NINJ2: variants seen among roughly 807,000 people sequenced by gnomAD.
The protein encoded by NINJ2 is ninjurin-2.
NINJ2 carries 12 observed loss-of-function variants against 11.7 expected under a neutral mutation model. The ratio of observed to expected loss-of-function variants is 1.02; its 90% CI spans 0.66 to 1.66. The LOEUF is 1.66. Ranked by LOEUF, NINJ2 falls within the 40% of genes most tolerant of loss-of-function variation. The pLI is 0.00. For synonymous variants in NINJ2, 93 were observed against 76.8 expected, an observed-to-expected ratio of 1.21 and a Z score of -1.10; for missense variants, 187 against 181.8, an observed-to-expected ratio of 1.03 and a Z score of -0.16.
At chr12:592,043 A>G (rs1164402274) in intron 1 of NINJ2, among the ~76,000 whole-genome samples, 1 of 151,450 alleles carries the variant, frequency 6.6e-6, no homozygotes. Context: ...TCTTGTTTGC[A>G]TTCTCGGTGA....
chr12:596,706 G>A (rs1336805127), intron 1 of NINJ2, among the ~76,000 whole-genome samples: 1 of 152,050 alleles, frequency 6.6e-6, no homozygotes, highest in Non-Finnish European at 1.5e-5. Context: ...GGGCATCCCT[G>A]GAGGCCAGGA....
At chr12:594,761 G>T (rs1190306157) in intron 1 of NINJ2, among the ~76,000 whole-genome samples, 2 of 152,178 alleles carry the variant, frequency 1.3e-5, no homozygotes, top group South Asian at 4.1e-4. Context: ...TTCCTAACTT[G>T]ATCTATAGAT....
intron 1 of NINJ2, among the ~76,000 whole-genome samples, chr12:600,922 T>G (rs532964876): frequency 1.3e-5 from 2 of 152,314 alleles, no homozygotes; most frequent in East Asian, 3.9e-4. Context: ...AAAATCAATC[T>G]TGAGTTTTCA....
chr12:565,050 C>T (rs1947273091), intron 3 of NINJ2, among the ~76,000 whole-genome samples, 167 bp downstream of exon 3: 1 of 152,236 alleles, frequency 6.6e-6, no homozygotes, highest in Non-Finnish European at 1.5e-5. Flanking sequence ...GGGCTTTGTG[C>T]AAGCCTCGCT....
chr12:565,725 T>C, intron 2 of NINJ2: 1 of 633,924 alleles, frequency 1.6e-6, no homozygotes, highest in Non-Finnish European at 2.8e-6. Context: ...CAGCAGGTAC[T>C]GCGGAGGGTC....
intron 1 of NINJ2, among the ~76,000 whole-genome samples, chr12:608,300 C>T (rs1947965409): frequency 6.6e-6 from 1 of 152,170 alleles, no homozygotes; most frequent in South Asian, 2.1e-4. Context: ...CTTGTGAAGG[C>T]TGACCATAGT....
chr12:603,517 A>C (rs1287820586), intron 1 of NINJ2, among the ~76,000 whole-genome samples: 1 of 152,198 alleles, frequency 6.6e-6, no homozygotes, highest in Non-Finnish European at 1.5e-5. Context: ...TTTTGTTCTA[A>C]GAATTTTAGA....
At chr12:577,745 G>C (rs1444725255) in intron 1 of NINJ2, among the ~76,000 whole-genome samples, 1 of 142,306 alleles carries the variant, frequency 7.0e-6, no homozygotes, top group African/African-American at 2.7e-5. Context: ...TTGTAGAGAT[G>C]GGGTCTCACC....
At chr12:600,138 C>T (rs555025601) in intron 1 of NINJ2, among the ~76,000 whole-genome samples, 12 of 152,288 alleles carry the variant, frequency 7.9e-5, no homozygotes, top group Admixed American at 3.9e-4. Flanking sequence ...GGCTGAATTT[C>T]TCAGTGATCT....
chr12:578,729 A>T (rs1028559055), intron 1 of NINJ2, among the ~76,000 whole-genome samples: 8 of 152,186 alleles, frequency 5.3e-5, no homozygotes, highest in Admixed American at 6.5e-5. Flanking sequence ...AAGTCCCTCA[A>T]CAATGGGGAC....
chr12:570,534 G>A (rs904660048), intron 1 of NINJ2, among the ~76,000 whole-genome samples: 2 of 152,236 alleles, frequency 1.3e-5, no homozygotes, highest in East Asian at 3.9e-4. Context: ...CCGCTCAGAG[G>A]AGCTGGCCCT....
chr12:648,988 A>ATCTGTCTGTCTG (rs10648707), intron 1 of NINJ2, among the ~76,000 whole-genome samples: 13 of 149,932 alleles, frequency 8.7e-5, no homozygotes, highest in African/African-American at 7.4e-5. Context: ...CTATCTATCT[A>ATCTGTCTGTCTG]TCTATCTGTC....
chr12:626,206 C>T (rs1948208686), intron 1 of NINJ2, among the ~76,000 whole-genome samples: 1 of 152,244 alleles, frequency 6.6e-6, no homozygotes, highest in African/African-American at 2.4e-5. Flanking sequence ...TCTGAAGTCA[C>T]TAGGCCTCTG....
chr12:607,351 G>GGATGAT (rs10592628), intron 1 of NINJ2, among the ~76,000 whole-genome samples: 3 of 150,696 alleles, frequency 2.0e-5, no homozygotes, highest in Non-Finnish European at 4.4e-5. Flanking sequence ...ACTCTGTAAG[G>GGATGAT]GATGATGATG....
At chr12:648,996 G>GTCTGTCTACCTATCTA (rs10633920) in intron 1 of NINJ2, among the ~76,000 whole-genome samples, 1 of 148,912 alleles carries the variant, frequency 6.7e-6, no homozygotes, top group Admixed American at 6.7e-5. Flanking sequence ...CTATCTATCT[G>GTCTGTCTACCTATCTA]TCTATCTATC....
intron 1 of NINJ2, chr12:645,332 C>T (rs928351534): frequency 5.3e-5 from 8 of 152,062 alleles, no homozygotes; most frequent in African/African-American, 1.2e-4. Context: ...CGAGCATAAT[C>T]GATTCCTCAC....
intron 1 of NINJ2, among the ~76,000 whole-genome samples, chr12:567,243 G>A (rs78376876): frequency 0.052 from 7,952 of 151,544 alleles, 492 homozygotes; most frequent in African/African-American, 0.15. Flanking sequence ...AGAGACGGAT[G>A]GATTGAAGGA....
intron 1 of NINJ2, among the ~76,000 whole-genome samples, chr12:650,608 A>G (rs1592118524): frequency 6.6e-6 from 1 of 152,080 alleles, no homozygotes; most frequent in Admixed American, 6.6e-5. Flanking sequence ...CTGAGGCAGG[A>G]GAATTGCTTG....
intron 2 of NINJ2, 63 bp downstream of exon 2, chr12:565,884 CGTG>C: frequency 7.1e-7 from 1 of 1,400,756 alleles, no homozygotes; most frequent in African/African-American, 1.4e-5. Flanking sequence ...CCAGGGGACA[CGTG>C]GGGCCTTTCT....
Sources: gnomAD v4.1 joint callset for allele counts (sites outside exome capture counted in the v4.1 genomes callset) on GRCh38, gnomAD v4.1.1 for gene constraint, MANE v1.5 for transcripts, NCBI Gene and HGNC (gene_info 2026-07-23, HGNC 2026-07-21) for gene names.